GPHN: variants seen among roughly 807,000 people sequenced by gnomAD.
GPHN encodes the protein gephyrin.
In GPHN, 17 loss-of-function variants were observed where a neutral mutation model predicts 95.5. The observed-to-expected ratio is 0.18, with a 90% CI of 0.12 to 0.27. The LOEUF (loss-of-function observed/expected upper bound fraction) is 0.27, where lower values mean the gene tolerates loss of function less well. Among genes scored for constraint, GPHN ranks in the 10% least tolerant of loss-of-function variants. The pLI is 1.00. For synonymous variants in GPHN, 320 were observed against 322.5 expected, an observed-to-expected ratio of 0.99 and a Z score of 0.08; for missense variants, 660 against 978.1, an observed-to-expected ratio of 0.67 and a Z score of 4.34.
At chr14:67,595,911 T>C in the GPHN span, among the ~76,000 whole-genome samples, 4 of 152,306 alleles carry the variant, frequency 2.6e-5, no homozygotes, top group African/African-American at 9.6e-5. Context: ...TTCTTGTTAA[T>C]ATAAAAGGTC....
the GPHN span, among the ~76,000 whole-genome samples, chr14:67,630,197 C>G: frequency 6.6e-6 from 1 of 152,158 alleles, no homozygotes; most frequent in Non-Finnish European, 1.5e-5. Flanking sequence ...AAAGTAATTG[C>G]GGTTTTTGCT....
chr14:67,578,157 GC>G, the GPHN span: 1 of 1,614,002 alleles, frequency 6.2e-7, no homozygotes. This position sits in a 1 kb window ranked among gnomAD's most constrained non-coding sequence, Gnocchi z 5.0. Context: ...AACTCATGAA[GC>G]AGACCAGCTG....
chr14:67,107,423 A>C (rs1305985046), intron 13 of GPHN, among the ~76,000 whole-genome samples: 2 of 152,124 alleles, frequency 1.3e-5, no homozygotes, highest in African/African-American at 2.4e-5. Flanking sequence ...CCAAAGAACC[A>C]AGGTTTATGA....
At chr14:67,511,231 T>C in the GPHN span, among the ~76,000 whole-genome samples, 1 of 152,258 alleles carries the variant, frequency 6.6e-6, no homozygotes, top group East Asian at 1.9e-4. Flanking sequence ...GATAATCCAG[T>C]ATGTTCTGAA....
intron 8 of GPHN, among the ~76,000 whole-genome samples, chr14:66,957,732 G>A (rs2068625563): frequency 6.6e-6 from 1 of 152,044 alleles, no homozygotes; most frequent in South Asian, 2.1e-4. Context: ...TATTGAAGGG[G>A]TCCCCAAGCC....
At chr14:67,556,016 T>C in the GPHN span, 2 of 1,221,334 alleles carry the variant, frequency 1.6e-6, no homozygotes, top group Non-Finnish European at 2.3e-6. Context: ...CAAATGAGTG[T>C]GCGTGGAGCT....
intron 1 of GPHN, among the ~76,000 whole-genome samples, chr14:66,520,023 A>G (rs1371297803): frequency 6.6e-6 from 1 of 152,180 alleles, no homozygotes; most frequent in Non-Finnish European, 1.5e-5. Flanking sequence ...TTGGCATGTC[A>G]GAATTATTTC....
At chr14:67,215,921 C>G in the GPHN span, among the ~76,000 whole-genome samples, 1 of 152,216 alleles carries the variant, frequency 6.6e-6, no homozygotes, top group Non-Finnish European at 1.5e-5. Context: ...TTTCCTTGCC[C>G]AAAACAAATG....
intron 12 of GPHN, among the ~76,000 whole-genome samples, chr14:67,100,147 A>G (rs1395160607): frequency 6.6e-6 from 1 of 152,220 alleles, no homozygotes; most frequent in Non-Finnish European, 1.5e-5. Flanking sequence ...TATGTATTCT[A>G]ACTCATAAAT....
chr14:66,581,528 A>C (rs1209216278), intron 1 of GPHN, among the ~76,000 whole-genome samples: 1 of 152,014 alleles, frequency 6.6e-6, no homozygotes, highest in Admixed American at 6.6e-5. Flanking sequence ...ACAATATAGC[A>C]ATAGTAAATC....
intron 2 of GPHN, among the ~76,000 whole-genome samples, chr14:66,772,735 GAT>G (rs1439822112): frequency 1.3e-5 from 2 of 152,012 alleles, no homozygotes; most frequent in Non-Finnish European, 2.9e-5. Context: ...TGTTATTTCT[GAT>G]ATATGTTTTT....
intron 15 of GPHN, 135 bp downstream of exon 15, chr14:67,112,054 A>G (rs1337059714): frequency 2.4e-5 from 17 of 720,924 alleles, no homozygotes; most frequent in Non-Finnish European, 3.5e-5. Context: ...AAAAAGCAAA[A>G]TGAATGTTAT....
intron 2 of GPHN, among the ~76,000 whole-genome samples, chr14:66,704,835 G>C (rs187880176): frequency 6.6e-6 from 1 of 152,172 alleles, no homozygotes; most frequent in African/African-American, 2.4e-5. Flanking sequence ...GAAGGAGATA[G>C]AGACACAAAA....
At chr14:67,022,556 T>C (rs2073689714) in intron 9 of GPHN, among the ~76,000 whole-genome samples, 1 of 120,338 alleles carries the variant, frequency 8.3e-6, no homozygotes, top group Admixed American at 8.9e-5. Flanking sequence ...TTTTTTTTTT[T>C]TTTTTTTTTT....
At chr14:67,281,333 G>GT in the GPHN span, among the ~76,000 whole-genome samples, 1 of 152,274 alleles carries the variant, frequency 6.6e-6, no homozygotes, top group Admixed American at 6.5e-5. Flanking sequence ...TCATAGTGAA[G>GT]TCTGCTAAAT....
the GPHN span, among the ~76,000 whole-genome samples, chr14:67,682,513 A>G: frequency 5.9e-5 from 9 of 152,238 alleles, no homozygotes; most frequent in Non-Finnish European, 1.0e-4. Context: ...AATGTTCAAC[A>G]TCATTAGTAG....
At chr14:67,627,469 A>G in the GPHN span, among the ~76,000 whole-genome samples, 8 of 152,106 alleles carry the variant, frequency 5.3e-5, no homozygotes, top group Non-Finnish European at 2.9e-5. Context: ...AGTTTTGGGC[A>G]TTGAAAAGAG....
At chr14:67,096,051 C>T (rs987699987) in intron 12 of GPHN, among the ~76,000 whole-genome samples, 4 of 149,456 alleles carry the variant, frequency 2.7e-5, no homozygotes, top group Non-Finnish European at 4.4e-5. Flanking sequence ...CACAAGATCT[C>T]GAGATGATTT....
chr14:67,478,011 C>T, the GPHN span, among the ~76,000 whole-genome samples: 1 of 152,220 alleles, frequency 6.6e-6, no homozygotes, highest in African/African-American at 2.4e-5. Context: ...AGTAAGCATT[C>T]AAGAGAAGAA....
Sources: gnomAD v4.1 joint callset for allele counts (sites outside exome capture counted in the v4.1 genomes callset) on GRCh38, gnomAD v4.1.1 for gene constraint, Gnocchi (gnomAD v3.1) non-coding constraint, MANE v1.5 for transcripts, NCBI Gene and HGNC (gene_info 2026-07-23, HGNC 2026-07-21) for gene names.